Variants in PATL1 observed in about 807,000 individuals in gnomAD.
PATL1 encodes the protein protein PAT1 homolog 1.
Under a neutral mutation model 100.6 loss-of-function variants are expected in PATL1, and 32 were observed. The observed-to-expected ratio is 0.32, with a 90% confidence interval of 0.24 to 0.43. The LOEUF (loss-of-function observed/expected upper bound fraction) is 0.43. Ranked by LOEUF, PATL1 falls within the 20% of genes least tolerant of loss-of-function variation. The probability of loss-of-function intolerance (pLI) is 1.00; values close to 1 mark genes in which losing one functional copy is unlikely to be tolerated. For synonymous variants in PATL1, 332 were observed against 330.0 expected (o/e 1.01, Z -0.07); for missense variants, 747 against 949.9 (o/e 0.79, Z 2.81).
rs146548152 is a variant in PATL1 at position 59,656,405 on chromosome 11, G to A, written c.723+94C>T. 67 of 1,024,150 alleles carry A rather than the reference G, an allele frequency of 6.5e-5. No homozygotes were observed. In the African/African-American group the frequency reaches 1.0e-3, roughly 16 times the overall value. 63.4% of individuals were successfully genotyped at this position (1,024,150 alleles called of 1,614,324 possible). A position where few individuals can be genotyped will look rare whatever the true frequency, so the allele number is the denominator to read the frequency against. ...ATTATAAAAAATAGGTATAATTTAG[G>A]AGATGTCAGCAAATCTAAATACTGG... On this transcript the variant is annotated intron_variant, in intron 6 of 18. Coordinates refer to ENST00000300146, the MANE Select transcript of PATL1 (RefSeq NM_152716.3).
At chr11:59,666,181 G>T (rs1861687556) in intron 2 of PATL1, among the ~76,000 whole-genome samples, 2 of 151,670 alleles carry the variant, frequency 1.3e-5, no homozygotes, top group Admixed American at 1.3e-4. Flanking sequence ...AGGAGGCGGA[G>T]GTTGCAGTGA....
intron 8 of PATL1, 150 bp from the exon 9 acceptor site, chr11:59,654,222 A>C (rs1861489317): frequency 6.3e-6 from 4 of 638,478 alleles, no homozygotes; most frequent in Admixed American, 5.5e-5. Flanking sequence ...CACGCCTGTA[A>C]TCCTAGCACT....
chr11:59,662,975 CCAT>C (rs1861646654), intron 2 of PATL1, among the ~76,000 whole-genome samples: 2 of 152,154 alleles, frequency 1.3e-5, no homozygotes, highest in East Asian at 1.9e-4. Context: ...CCATAAAATA[CCAT>C]CATCATCATT....
intron 2 of PATL1, among the ~76,000 whole-genome samples, chr11:59,664,754 GAGAA>G (rs1289487526): frequency 6.6e-6 from 1 of 152,114 alleles, no homozygotes; most frequent in Admixed American, 6.5e-5. Flanking sequence ...AAATTTTGTG[GAGAA>G]AGAGTCTCAC....
At chr11:59,666,501 T>C (rs1023557763) in intron 2 of PATL1, among the ~76,000 whole-genome samples, 1 of 152,218 alleles carries the variant, frequency 6.6e-6, no homozygotes, top group African/African-American at 2.4e-5. Context: ...AGTTATATGT[T>C]ATACAAATAA....
chr11:59,649,450 C>T lies in PATL1; in HGVS notation c.1733+12G>A, dbSNP rs1271962497. 7 of 1,612,080 alleles carry T rather than the reference C, an allele frequency of 4.3e-6. No individual in the cohort carries two copies. The highest frequency in any genetic ancestry group is 5.9e-6 in the Non-Finnish European group (7 of 1,179,230). On this transcript the variant is annotated intron_variant, in intron 14 of 18. Transcript: ENST00000300146. Reference sequence around the variant, plus strand: ...TCCAGTTAATGTTTTCCTCAAACTGCACGATGCTTACCTCTCTTGTCCAGG... The same window carrying T: ...TCCAGTTAATGTTTTCCTCAAACTGTACGATGCTTACCTCTCTTGTCCAGG...
At chr11:59,665,988 TTAAAA>T (rs1861682726) in intron 2 of PATL1, among the ~76,000 whole-genome samples, 1 of 152,106 alleles carries the variant, frequency 6.6e-6, no homozygotes, top group African/African-American at 2.4e-5. Flanking sequence ...TTTCCAACTC[TTAAAA>T]TATGTATCTA....
In PATL1 at chr11:59,653,038, T is replaced by G. The variant is rs372453494; in HGVS notation, c.1122-20A>C. 6.2e-5 allele frequency: 98 copies of G among 1,585,752 alleles called. No individual in the cohort carries two copies. Among genetic ancestry groups the G allele is most frequent in the Non-Finnish European group, 7.2e-5 (83 of 1,159,812 alleles). On this transcript the variant is annotated intron_variant, in intron 9 of 18. Transcript: ENST00000300146. The stretch of plus-strand genomic sequence containing the variant: ...TGCTGACTGAAAAACATACACCACA[T>G]TCATTCCATGTGGGCAAATTAATTA...
chr11:59,663,657 GAGA>G (rs1353993810), intron 2 of PATL1, among the ~76,000 whole-genome samples: 9 of 152,128 alleles, frequency 5.9e-5, no homozygotes, highest in African/African-American at 2.2e-4. Context: ...TTTATTTTTA[GAGA>G]AGGAGTTGGG....
chr11:59,646,027 A>G (rs1342282481), intron 15 of PATL1, among the ~76,000 whole-genome samples: 1 of 152,142 alleles, frequency 6.6e-6, no homozygotes, highest in Non-Finnish European at 1.5e-5. Flanking sequence ...TTGCATTCTT[A>G]TCTTTTAGCA....
intron 7 of PATL1, 83 bp from the exon 8 acceptor site, chr11:59,655,823 C>T: frequency 7.1e-7 from 1 of 1,409,178 alleles, no homozygotes; most frequent in Non-Finnish European, 9.8e-7. Context: ...TACGGTTTTC[C>T]ATCAATAACT....
At chr11:59,648,030 C>G in intron 14 of PATL1, 117 bp from the exon 15 acceptor site, 1 of 826,926 alleles carries the variant, frequency 1.2e-6, no homozygotes, top group Non-Finnish European at 1.8e-6. Context: ...CTCTAATAAC[C>G]TGTACTATAA....
At chr11:59,649,062 C>T (rs77544071) in intron 14 of PATL1, among the ~76,000 whole-genome samples, 8,112 of 151,976 alleles carry the variant, frequency 0.053, 475 homozygotes, top group Admixed American at 0.13. Flanking sequence ...TGTGGAAATC[C>T]CAGGAAGTAT....
In PATL1 at chr11:59,651,831, G is replaced by A. The variant is rs1030040805; in HGVS notation, c.1427-190C>T. Among the ~76,000 whole-genome samples the A allele has an allele frequency of 4.6e-5, 7 of 151,804 alleles. No homozygotes were observed. In the South Asian group the frequency reaches 6.2e-4, roughly 14 times the overall value. ...TGTTATCTCAGCACTTTGGGAGGCC[G>A]AGGGGGGTAGATCACTTGAGGCCAG... On this transcript the variant is annotated intron_variant, in intron 11 of 18. Transcript: ENST00000300146.
chr11:59,651,776 T>A, intron 11 of PATL1, 135 bp from the exon 12 acceptor site: 1 of 646,170 alleles, frequency 1.5e-6, no homozygotes, highest in South Asian at 1.9e-5. Context: ...ACTCAATGTA[T>A]CATTTAGGCC....
chr11:59,644,765 G>T (rs7101580), intron 15 of PATL1, among the ~76,000 whole-genome samples: 5,339 of 152,034 alleles, frequency 0.035, 136 homozygotes, highest in Non-Finnish European at 0.043. Context: ...ATTGCATTAT[G>T]CCAAGAAGAG....
At position 59,656,054 on chromosome 11, in the gene PATL1, A is replaced by G. The variant is rs1258031909; in HGVS notation, c.724-9T>C. On this transcript the variant is annotated splice_polypyrimidine_tract_variant and intron_variant, in intron 6 of 18. Coordinates refer to ENST00000300146, the MANE Select transcript of PATL1 (RefSeq NM_152716.3). ...CCCAGGAGGGAAGAGTTCTAAGGTA[A>G]AAAAAAAAAAAAAAAAAAGAATATG... 7.3e-6 allele frequency: 2 copies of G among 274,360 alleles called. No homozygotes were observed. The highest frequency in any genetic ancestry group is 2.5e-4 in the South Asian group (2 of 7,888). 17.0% of individuals were successfully genotyped at this position (274,360 alleles called of 1,614,324 possible).
chr11:59,649,659 A>G, intron 13 of PATL1, 49 bp from the exon 14 acceptor site: 1 of 1,562,396 alleles, frequency 6.4e-7, no homozygotes, highest in Non-Finnish European at 8.7e-7. Context: ...TCAGAACCAC[A>G]GTATTAGTTA....
At chr11:59,657,237 T>A in intron 5 of PATL1, 1 of 719,330 alleles carries the variant, frequency 1.4e-6, no homozygotes, top group Non-Finnish European at 1.7e-6. Flanking sequence ...TTCAGTTATC[T>A]CTCTGACAAT....
Sources: gnomAD v4.1 joint callset for allele counts (sites outside exome capture counted in the v4.1 genomes callset) on GRCh38, gnomAD v4.1.1 for gene constraint, MANE v1.5 for transcripts, NCBI Gene and HGNC (gene_info 2026-07-23, HGNC 2026-07-21) for gene names.